Variants in TEX11 observed in about 807,000 individuals in gnomAD.
TEX11 encodes testis expressed 11.
A neutral mutation model predicts 84.4 loss-of-function variants in TEX11; 7 were observed. That is an observed-to-expected ratio of 0.08 (90% CI 0.05 to 0.16). The LOEUF (loss-of-function observed/expected upper bound fraction) is 0.16, where lower values mean the gene tolerates loss of function less well. Among genes scored for constraint, TEX11 ranks in the 10% least tolerant of loss-of-function variants. The pLI, the probability that TEX11 is intolerant of heterozygous loss-of-function variation, is 1.00. For missense variants in TEX11, 551 were observed against 660.5 expected (o/e 0.83, Z 1.82); for synonymous variants, 264 against 222.8 (o/e 1.18, Z -1.64).
In TEX11 at chrX:70,658,175, G is replaced by C. The variant is rs997270829; in HGVS notation, c.1381-6623C>G. Among the ~76,000 whole-genome samples, 258 of 111,873 alleles carry C rather than the reference G, an allele frequency of 2.3e-3. 3 individuals are homozygous for C. The highest frequency in any genetic ancestry group is 7.5e-4 in the Non-Finnish European group (40 of 53,128). On this transcript the variant is annotated intron_variant, in intron 16 of 29. Transcript: ENST00000374333. The stretch of plus-strand genomic sequence containing the variant: ...CACATCTGCAATCTCAGCACTTTGG[G>C]AGGCTGAGAAGGGCGGATCACCTGA...
intron 25 of TEX11, among the ~76,000 whole-genome samples, chrX:70,591,320 G>T (rs1053054521): frequency 4.5e-5 from 5 of 110,843 alleles, no homozygotes; most frequent in Non-Finnish European, 9.4e-5. Context: ...AATCATCTGG[G>T]CTGGGAGTGG....
downstream of TEX11, among the ~76,000 whole-genome samples, chrX:70,527,280 T>C (rs1229688306): frequency 1.8e-5 from 2 of 112,355 alleles, no homozygotes; most frequent in Admixed American, 9.5e-5. Flanking sequence ...ATTTAGCTAC[T>C]GACTTTACAT....
intron 17 of TEX11, among the ~76,000 whole-genome samples, chrX:70,639,640 C>T (rs942461152): frequency 7.2e-5 from 8 of 111,507 alleles, no homozygotes; most frequent in Non-Finnish European, 1.5e-4. Context: ...AACTGGGAGG[C>T]ACCCTCCAGC....
intron 21 of TEX11, 110 bp downstream of exon 21, chrX:70,610,393 G>T: frequency 1.4e-6 from 1 of 708,597 alleles, no homozygotes; most frequent in Non-Finnish European, 2.1e-6. Context: ...TAAGGAGCAT[G>T]AAGCTTAACT....
intron 9 of TEX11, among the ~76,000 whole-genome samples, chrX:70,771,546 T>TA (rs906383036): frequency 1.8e-5 from 2 of 111,357 alleles, no homozygotes; most frequent in East Asian, 2.8e-4. Flanking sequence ...GAAAAAAACT[T>TA]AAAAAAAACT....
At chrX:70,555,837 T>C (rs747685588) in intron 25 of TEX11, among the ~76,000 whole-genome samples, 4 of 112,242 alleles carry the variant, frequency 3.6e-5, no homozygotes, top group Non-Finnish European at 7.5e-5. Context: ...TAGGAGTATA[T>C]ATTTCTTCTT....
chrX:70,596,331 C>T (rs187045169), intron 24 of TEX11, among the ~76,000 whole-genome samples: 1 of 111,755 alleles, frequency 8.9e-6, no homozygotes, highest in Non-Finnish European at 1.9e-5. Flanking sequence ...GTAGAATGTA[C>T]ATTCTTCTCA....
intron 18 of TEX11, among the ~76,000 whole-genome samples, chrX:70,628,227 C>CA (rs1286767309): frequency 0.26 from 17,252 of 67,394 alleles, 1,486 homozygotes; most frequent in Middle Eastern, 0.3. Context: ...GAGACTTTGT[C>CA]AAAAAAAAAA....
intron 8 of TEX11, among the ~76,000 whole-genome samples, chrX:70,827,287 T>C (rs1263459506): frequency 8.9e-6 from 1 of 111,766 alleles, no homozygotes; most frequent in African/African-American, 3.3e-5. Context: ...GAGTACACCA[T>C]GGGCCTTGGG....
At chrX:70,682,558 A>G (rs1294944574) in intron 14 of TEX11, 116 bp downstream of exon 14, 16 of 804,672 alleles carry the variant, frequency 2.0e-5, no homozygotes, top group Non-Finnish European at 2.7e-5. Context: ...TTAGGGAGGA[A>G]GAAAAAAAGG....
chrX:70,839,691 T>C (rs1310906950), intron 7 of TEX11, among the ~76,000 whole-genome samples: 4 of 111,311 alleles, frequency 3.6e-5, no homozygotes, highest in Non-Finnish European at 7.5e-5. Flanking sequence ...CAAACTACTC[T>C]GAGCTACAGG....
rs909989625 is a variant in TEX11, at chrX:70,681,349, T to C, written c.1156+1325A>G. ...AGATGTCATAATAGAACAGTCTAAG[T>C]GGAATTTTAGGAAAATGAGTAATTC... On this transcript the variant is annotated intron_variant, in intron 14 of 29. Coordinates refer to ENST00000374333, the MANE Select transcript of TEX11 (RefSeq NM_031276.3). Among the ~76,000 whole-genome samples, 6 of 112,620 alleles carry C rather than the reference T, an allele frequency of 5.3e-5. No individual in the cohort carries two copies. The Admixed American group carries it at 5.6e-4, about 11-fold the overall frequency.
chrX:70,629,563 A>T (rs775267792), intron 18 of TEX11, 48 bp downstream of exon 18: 4 of 1,179,837 alleles, frequency 3.4e-6, no homozygotes, highest in South Asian at 1.8e-5. Flanking sequence ...ATTGTCTTTC[A>T]AAAAGGAAAA....
chrX:70,678,243 G>A (rs2090091439), intron 15 of TEX11, among the ~76,000 whole-genome samples: 1 of 110,560 alleles, frequency 9.0e-6, no homozygotes, highest in African/African-American at 3.3e-5. Context: ...TGTTGTTCAA[G>A]AAGGGACATA....
At chrX:70,663,397 A>G (rs749487688) in intron 16 of TEX11, among the ~76,000 whole-genome samples, 4 of 112,242 alleles carry the variant, frequency 3.6e-5, no homozygotes, top group African/African-American at 1.3e-4. Flanking sequence ...CACTCATGAA[A>G]TAAATTTAAT....
chrX:70,803,829 T>A (rs1404086342), intron 9 of TEX11, among the ~76,000 whole-genome samples: 2 of 111,402 alleles, frequency 1.8e-5, no homozygotes, highest in Non-Finnish European at 3.8e-5. Context: ...TTTTTTAACA[T>A]GTGGATATAA....
chrX:70,883,139 T>TTTTTTG (rs974996249), intron 2 of TEX11, among the ~76,000 whole-genome samples: 69 of 111,772 alleles, frequency 6.2e-4, no homozygotes, highest in African/African-American at 2.1e-3. Flanking sequence ...ATAAATTCTA[T>TTTTTTG]TTTTTGTTTT....
intron 7 of TEX11, among the ~76,000 whole-genome samples, chrX:70,842,030 A>G (rs1248996797): frequency 9.0e-6 from 1 of 111,570 alleles, no homozygotes; most frequent in Non-Finnish European, 1.9e-5. Flanking sequence ...AGATGGATTC[A>G]CAGCCGAATT....
intron 9 of TEX11, among the ~76,000 whole-genome samples, chrX:70,784,536 A>C (rs893221821): frequency 9.0e-5 from 10 of 111,622 alleles, no homozygotes; most frequent in African/African-American, 3.3e-4. Flanking sequence ...GAGGAAGTCA[A>C]ATTGTCTCTG....
Sources: gnomAD v4.1 joint callset for allele counts (sites outside exome capture counted in the v4.1 genomes callset) on GRCh38, gnomAD v4.1.1 for gene constraint, MANE v1.5 for transcripts, NCBI Gene and HGNC (gene_info 2026-07-23, HGNC 2026-07-21) for gene names.